The following DMD variants were observed in gnomAD, a reference collection of about 807,000 sequenced individuals.
The protein encoded by DMD is mutant dystrophin.
A neutral mutation model predicts 330.1 loss-of-function variants in DMD; 63 were observed. The ratio of observed to expected loss-of-function variants is 0.19; its 90% confidence interval spans 0.16 to 0.24. The LOEUF (loss-of-function observed/expected upper bound fraction) is 0.24. Ranked by LOEUF, DMD falls within the 10% of genes least tolerant of loss-of-function variation. The pLI, the probability that DMD is intolerant of heterozygous loss-of-function variation, is 1.00. For synonymous variants in DMD, 1,223 were observed against 959.8 expected, an observed-to-expected ratio of 1.27 and a Z score of -5.07; for missense variants, 3,344 against 2,684.1, an observed-to-expected ratio of 1.25 and a Z score of -5.43.
chrX:32,198,235 T>A (rs1313548881), intron 44 of DMD, among the ~76,000 whole-genome samples: 1 of 111,932 alleles, frequency 8.9e-6, no homozygotes, highest in Admixed American at 9.5e-5. Flanking sequence ...GAGAAACATT[T>A]AAAAGGTTAA....
At chrX:31,146,999 C>T (rs746084959) in intron 75 of DMD, among the ~76,000 whole-genome samples, 1 of 111,764 alleles carries the variant, frequency 8.9e-6, no homozygotes, top group East Asian at 2.8e-4. Flanking sequence ...TTTTAGAGAA[C>T]TAGTGGAAAC....
intron 7 of DMD, among the ~76,000 whole-genome samples, chrX:32,781,675 A>T (rs2074776238): frequency 9.1e-6 from 1 of 110,145 alleles, no homozygotes; most frequent in Admixed American, 9.8e-5. Flanking sequence ...CAGACATACT[A>T]CATTCGTCTT....
chrX:32,348,635 C>T (rs2097771929), intron 37 of DMD, 107 bp from the exon 38 acceptor site: 1 of 701,127 alleles, frequency 1.4e-6, no homozygotes, highest in South Asian at 2.7e-5. Flanking sequence ...TAATCACATG[C>T]ATTATGTTTC....
At chrX:33,225,788 C>G (rs759059477) in intron 1 of DMD, among the ~76,000 whole-genome samples, 2 of 109,989 alleles carry the variant, frequency 1.8e-5, no homozygotes, top group Non-Finnish European at 3.8e-5. Context: ...GGCTGCACAT[C>G]GAGAAAAATA....
intron 60 of DMD, among the ~76,000 whole-genome samples, chrX:31,430,971 G>A (rs1275676759): frequency 9.3e-6 from 1 of 107,335 alleles, no homozygotes; most frequent in African/African-American, 3.4e-5. Flanking sequence ...CCCGGCTAAT[G>A]TTTTGTATTT....
At chrX:31,639,984 T>C (rs1431423996) in intron 54 of DMD, among the ~76,000 whole-genome samples, 1 of 110,843 alleles carries the variant, frequency 9.0e-6, no homozygotes, top group East Asian at 2.8e-4. Context: ...TGAGGATGTG[T>C]CCCCTCCCTG....
rs749737691 is a variant in DMD, at chrX:31,209,578, C to T, written c.9483G>A (p.Leu3161=). The part of the protein sequence containing the change: ...INCLTTIYDR[L]EQEHNNLVNV... ...TGACCAAATTGTTGTGCTCTTGCTC[C>T]AGGCGGTCATAAATAGTGGTCAAAC... The change falls in exon 65 of 79, where the codon CTG becomes CTA. Residue 3161 remains leucine, a synonymous_variant. Coordinates refer to ENST00000357033, the MANE Select transcript of DMD (RefSeq NM_004006.3). The T allele has an allele frequency of 8.3e-7, 1 of 1,211,526 alleles. No individual in the cohort carries two copies. The highest frequency in any genetic ancestry group is 2.2e-5 in the Admixed American group (1 of 46,033).
intron 67 of DMD, among the ~76,000 whole-genome samples, chrX:31,187,717 CAGAGAGAGAGAGAGAGAGAG>C (rs55674554): frequency 0.015 from 990 of 66,794 alleles, 13 homozygotes; most frequent in Middle Eastern, 0.026. Context: ...CCCAGATTCT[CAGAGAGAGAGAGAGAGAGAG>C]AGAGAGAGAG....
Position 33,228,083 on chromosome X carries a change from G to A in DMD, c.7+111176C>T, listed in dbSNP as rs752898911. 8.1e-5 allele frequency among the ~76,000 whole-genome samples: 9 copies of A among 111,427 alleles called. No individual in the cohort carries two copies. In the East Asian group the frequency reaches 2.5e-3, roughly 31 times the overall value. On this transcript the variant is annotated intron_variant, in intron 1 of 17. Transcript: ENST00000288447. Reference sequence around the variant, plus strand: ...AGCTTTTAATCTATAGTATATTAAAGATTAGTGCTTAAAGTATATTCTGGG... The same window carrying A: ...AGCTTTTAATCTATAGTATATTAAAAATTAGTGCTTAAAGTATATTCTGGG...
At chrX:31,380,882 C>T (rs1388833465) in intron 60 of DMD, among the ~76,000 whole-genome samples, 1 of 110,445 alleles carries the variant, frequency 9.1e-6, no homozygotes, top group Non-Finnish European at 1.9e-5. Flanking sequence ...CACAGACAGC[C>T]CCCATTACTT....
intron 1 of DMD, among the ~76,000 whole-genome samples, chrX:33,314,567 T>TG: frequency 1.5e-5 from 1 of 65,590 alleles, no homozygotes; most frequent in Admixed American, 1.6e-4. Flanking sequence ...CTGTTTTTTT[T>TG]TTGTTTTTTT....
At position 32,441,323 on chromosome X, in the gene DMD, G is replaced by A. The variant is rs2148223106; in HGVS notation, c.3787-9C>T. ...CAACATGCCCAAACTTCCTAAGAAA[G>A]AAATATATATCACAGATTAAATATT... On this transcript the variant is annotated splice_polypyrimidine_tract_variant and intron_variant, in intron 27 of 78. Coordinates refer to ENST00000357033, the MANE Select transcript of DMD (RefSeq NM_004006.3). The A allele has an allele frequency of 8.3e-7, 1 of 1,201,775 alleles. No homozygotes were observed. The highest frequency in any genetic ancestry group is 1.1e-6 in the Non-Finnish European group (1 of 887,410).
intron 45 of DMD, among the ~76,000 whole-genome samples, chrX:31,951,161 A>ATATATATG (rs2095170804): frequency 8.1e-5 from 7 of 86,949 alleles, no homozygotes; most frequent in African/African-American, 3.3e-4. Flanking sequence ...ATATATATGT[A>ATATATATG]TATATATATA....
At chrX:31,675,936 G>A (rs2082054306) in intron 53 of DMD, among the ~76,000 whole-genome samples, 1 of 112,205 alleles carries the variant, frequency 8.9e-6, no homozygotes, top group Non-Finnish European at 1.9e-5. Flanking sequence ...TTGCTTTTTG[G>A]TATCAAGCAT....
chrX:33,096,217 A>G (rs769037469), intron 1 of DMD, among the ~76,000 whole-genome samples: 24 of 109,934 alleles, frequency 2.2e-4, no homozygotes, highest in African/African-American at 5.3e-4. Context: ...CTCGTGATCC[A>G]CCCACCTTGG....
At chrX:31,817,795 C>A (rs1396512133) in intron 50 of DMD, among the ~76,000 whole-genome samples, 2 of 111,569 alleles carry the variant, frequency 1.8e-5, no homozygotes, top group East Asian at 5.6e-4. Flanking sequence ...CATCACACTT[C>A]CCCTGACCCA....
intron 1 of DMD, among the ~76,000 whole-genome samples, chrX:33,123,541 C>T (rs1381495685): frequency 1.8e-5 from 2 of 109,884 alleles, no homozygotes; most frequent in African/African-American, 6.6e-5. Context: ...CTCAGCCTCC[C>T]GAGTAGCTGG....
chrX:32,749,824 T>G (rs182232360), intron 7 of DMD, among the ~76,000 whole-genome samples: 1 of 112,224 alleles, frequency 8.9e-6, no homozygotes, highest in African/African-American at 3.2e-5. Context: ...GCCAAAAAAC[T>G]CATTATTGAA....
At chrX:33,094,065 T>G (rs1407209103) in intron 1 of DMD, among the ~76,000 whole-genome samples, 3 of 111,161 alleles carry the variant, frequency 2.7e-5, no homozygotes, top group African/African-American at 9.8e-5. Context: ...ACATAACTAT[T>G]GAAAATGTGT....
Sources: gnomAD v4.1 joint callset for allele counts (sites outside exome capture counted in the v4.1 genomes callset) on GRCh38, gnomAD v4.1.1 for gene constraint, MANE v1.5 for transcripts, NCBI Gene and HGNC (gene_info 2026-07-23, HGNC 2026-07-21) for gene names.